TGM2: variants seen among roughly 807,000 people sequenced by gnomAD.
TGM2 encodes the protein protein-glutamine gamma-glutamyltransferase 2.
A neutral mutation model predicts 75.6 loss-of-function variants in TGM2; 53 were observed. That is an observed-to-expected ratio of 0.70 (90% CI 0.56 to 0.88). The LOEUF is 0.88. TGM2 is among the 40% of genes least tolerant of loss of function. TGM2 has a pLI of 0.00. For missense variants in TGM2, 842 were observed against 928.5 expected, an observed-to-expected ratio of 0.91 and a Z score of 1.21; for synonymous variants, 374 against 381.1, an observed-to-expected ratio of 0.98 and a Z score of 0.22.
At position 38,130,968 on chromosome 20, in the gene TGM2, A is replaced by G. The variant is rs2074821721; in HGVS notation, c.1913+125T>C. The G allele has an allele frequency of 4.1e-6, 6 of 1,454,078 alleles. 1 individual carries two copies. In the East Asian group the frequency reaches 1.4e-4, roughly 33 times the overall value. The allele number at this position is 1,454,078 out of a possible 1,614,324, so 90.1% of individuals were successfully genotyped here. ...AGCCCCAGGGTGTCTGGGAGTGGGC[A>G]CAGCTGTGTGGGAGATGAGAGGAGG... On this transcript the variant is annotated intron_variant, in intron 12 of 12. Coordinates refer to ENST00000361475, the MANE Select transcript of TGM2 (RefSeq NM_004613.4).
chr20:38,151,110 C>T (rs1239819148), intron 3 of TGM2, 53 bp from the exon 4 acceptor site: 23 of 1,398,098 alleles, frequency 1.6e-5, no homozygotes, highest in Non-Finnish European at 2.3e-5. Flanking sequence ...GGCCCAGGGT[C>T]CCTGCAAATC....
Position 38,132,435 on chromosome 20 carries a change from T to C in TGM2, c.1681A>G (p.Ile561Val). ...YRDCLTESNL[I>V]KVRALLVEPV... The stretch of plus-strand genomic sequence containing the variant: ...TCCACGAGGAGGGCCCGCACCTTGA[T>C]GAGGTTGGACTCCGTAAGGCAGTCA... The change falls in exon 11 of 13, where the codon ATC (isoleucine) becomes GTC (valine). Residue 561 changes from isoleucine (I) to valine (V), a missense_variant. Coordinates refer to ENST00000361475, the MANE Select transcript of TGM2 (RefSeq NM_004613.4). 1 of 1,614,174 alleles carries C rather than the reference T, an allele frequency of 6.2e-7. No individual in the cohort carries two copies.
At chr20:38,153,114 C>G (rs1286487925) in intron 3 of TGM2, among the ~76,000 whole-genome samples, 6 of 152,144 alleles carry the variant, frequency 3.9e-5, no homozygotes, top group African/African-American at 1.4e-4. Context: ...AGCAAGGGTG[C>G]TCGTTGACGC....
intron 3 of TGM2, among the ~76,000 whole-genome samples, chr20:38,155,173 C>T (rs2075168136): frequency 6.6e-6 from 1 of 152,136 alleles, no homozygotes; most frequent in African/African-American, 2.4e-5. Flanking sequence ...AACCAGGACA[C>T]AGTGCCTGGG....
At chr20:38,167,138 T>A (rs1043734584), upstream of TGM2, among the ~76,000 whole-genome samples, 1 of 152,056 alleles carries the variant, frequency 6.6e-6, no homozygotes, top group Non-Finnish European at 1.5e-5. Flanking sequence ...CATGGAAATA[T>A]CAAGTATCCC....
intron 2 of TGM2, 61 bp downstream of exon 2, chr20:38,161,359 C>A: frequency 6.3e-7 from 1 of 1,592,038 alleles, no homozygotes; most frequent in Non-Finnish European, 8.6e-7. Flanking sequence ...TGGGGCATGT[C>A]GGGGTGGAGA....
At chr20:38,135,146 G>T (rs983045569) in intron 10 of TGM2, among the ~76,000 whole-genome samples, 2 of 152,214 alleles carry the variant, frequency 1.3e-5, no homozygotes, top group African/African-American at 4.8e-5. Flanking sequence ...GGTCCCGATG[G>T]TGACTTAGAG....
At chr20:38,131,305 C>T (rs1306744715) in intron 11 of TGM2, 76 bp from the exon 12 acceptor site, 1 of 1,602,426 alleles carries the variant, frequency 6.2e-7, no homozygotes, top group Non-Finnish European at 8.5e-7. Flanking sequence ...TGCAATTTGG[C>T]CCAATATTTG....
chr20:38,167,052 A>G (rs2075317365), upstream of TGM2, among the ~76,000 whole-genome samples: 1 of 152,148 alleles, frequency 6.6e-6, no homozygotes, highest in South Asian at 2.1e-4. Context: ...AGGCCTGAGT[A>G]AGACTCAATC....
chr20:38,153,950 G>A (rs1177131157), intron 3 of TGM2, among the ~76,000 whole-genome samples: 2 of 152,138 alleles, frequency 1.3e-5, no homozygotes, highest in Non-Finnish European at 2.9e-5. Context: ...CTGAGTAGTT[G>A]GGACTACAGA....
intron 11 of TGM2, among the ~76,000 whole-genome samples, 182 bp from the exon 12 acceptor site, chr20:38,131,411 C>T (rs1354039610): frequency 1.3e-5 from 2 of 151,746 alleles, no homozygotes; most frequent in South Asian, 2.1e-4. Flanking sequence ...ATTGTGCTAC[C>T]GGCCCAGGTC....
intron 2 of TGM2, among the ~76,000 whole-genome samples, chr20:38,157,929 T>C (rs1383342159): frequency 2.6e-5 from 4 of 152,194 alleles, no homozygotes; most frequent in Non-Finnish European, 5.9e-5. Flanking sequence ...TGGAGTGGAA[T>C]GTAGAAATTG....
intron 6 of TGM2, 144 bp downstream of exon 6, chr20:38,146,573 T>C (rs1462654358): frequency 1.1e-6 from 1 of 925,828 alleles, no homozygotes; most frequent in Admixed American, 2.0e-5. Flanking sequence ...CCGGAGAGGG[T>C]GGTCACAGGC....
intron 10 of TGM2, chr20:38,137,800 T>G: frequency 2.5e-6 from 1 of 393,498 alleles, no homozygotes; most frequent in Non-Finnish European, 4.5e-6. Context: ...GAAGATGAGG[T>G]GAAACCAAAC....
chr20:38,167,869 C>A (rs1021473568), upstream of TGM2, among the ~76,000 whole-genome samples: 25 of 152,190 alleles, frequency 1.6e-4, no homozygotes, highest in African/African-American at 5.1e-4. Flanking sequence ...CACTGTGTAG[C>A]CATGTCCACT....
intron 3 of TGM2, 74 bp from the exon 4 acceptor site, chr20:38,151,131 G>T (rs893500918): frequency 8.7e-6 from 10 of 1,144,020 alleles, no homozygotes; most frequent in Admixed American, 1.7e-5. Flanking sequence ...TGGAGTCAAG[G>T]GTGCCAATTC....
In TGM2 at chr20:38,155,868, G is replaced by C. The variant is rs757906238; in HGVS notation, c.412C>G (p.Leu138Val). Residue 138 changes from leucine (L) to valine (V), a missense_variant, in exon 3 of 13, where the codon CTC (leucine) becomes GTC (valine). Leu to Val is a conservative substitution (Grantham distance 32, BLOSUM62 1). Coordinates refer to ENST00000361475, the MANE Select transcript of TGM2 (RefSeq NM_004613.4). ...SSFVLGHFIL[L>V]FNAWCPADAV... ...TCACCTGGGCACCAGGCGTTGAAGAGCAAAATGAAGTGGCCCAGCACAAAG... is the reference window on the plus strand; with the variant it reads ...TCACCTGGGCACCAGGCGTTGAAGACCAAAATGAAGTGGCCCAGCACAAAG... The C allele has an allele frequency of 7.5e-6, 12 of 1,601,272 alleles. No individual in the cohort carries two copies. Among genetic ancestry groups the C allele is most frequent in the Non-Finnish European group, 9.4e-6 (11 of 1,174,590 alleles).
chr20:38,130,544 C>T (rs1003555237), intron 12 of TGM2, among the ~76,000 whole-genome samples, 175 bp from the exon 13 acceptor site: 1 of 152,194 alleles, frequency 6.6e-6, no homozygotes, highest in African/African-American at 2.4e-5. Flanking sequence ...GTGAACAGTG[C>T]CTGTGCACGC....
upstream of TGM2, chr20:38,165,406 C>T: frequency 4.4e-6 from 3 of 686,640 alleles, no homozygotes; most frequent in South Asian, 5.8e-5. Flanking sequence ...GGGGCTCACC[C>T]AGGGGACCGG....
Sources: allele counts gnomAD v4.1 joint callset (sites outside exome capture counted in the v4.1 genomes callset), GRCh38; gene constraint gnomAD v4.1.1; transcripts MANE v1.5; gene names NCBI Gene and HGNC (gene_info 2026-07-23, HGNC 2026-07-21).